The following JMJD1C variants were observed in gnomAD, a reference collection of about 807,000 sequenced individuals.
JMJD1C encodes jumonji domain containing 1C, also known as jumonji domain-containing protein 1C.
A neutral mutation model predicts 245.3 loss-of-function variants in JMJD1C; 31 were observed. That is an observed-to-expected ratio of 0.13 (90% CI 0.09 to 0.17). The LOEUF (loss-of-function observed/expected upper bound fraction) is 0.17, where lower values mean the gene tolerates loss of function less well. Ranked by LOEUF, JMJD1C falls within the 10% of genes least tolerant of loss-of-function variation. The pLI is 1.00. For synonymous variants in JMJD1C, 1,057 were observed against 1,017.4 expected (o/e 1.04, Z -0.74); for missense variants, 2,691 against 3,000.2 (o/e 0.90, Z 2.41).
intron 24 of JMJD1C, among the ~76,000 whole-genome samples, chr10:63,173,217 C>T (rs962693026): frequency 9.2e-5 from 14 of 152,068 alleles, no homozygotes; most frequent in African/African-American, 3.1e-4. Context: ...CAGCCAAATG[C>T]CCATATGCAA....
intron 1 of JMJD1C, among the ~76,000 whole-genome samples, chr10:63,440,353 A>AAAATAT (rs1554937972): frequency 1.2e-4 from 15 of 120,248 alleles, no homozygotes; most frequent in South Asian, 2.8e-4. Context: ...AAAAAAAAAA[A>AAAATAT]ATATATATAT....
chr10:63,459,533 G>A (rs148969439), intron 1 of JMJD1C, among the ~76,000 whole-genome samples: 2,170 of 152,244 alleles, frequency 0.014, 33 homozygotes, highest in Non-Finnish European at 0.02. Flanking sequence ...TAGAAAGTTA[G>A]ATATTTATAC....
chr10:63,195,132 T>C (rs1845296660), intron 13 of JMJD1C, among the ~76,000 whole-genome samples: 1 of 152,054 alleles, frequency 6.6e-6, no homozygotes, highest in South Asian at 2.1e-4. Context: ...AGGCAGCGGA[T>C]CACTTGAGGT....
intron 1 of JMJD1C, among the ~76,000 whole-genome samples, chr10:63,463,395 T>G (rs923383930): frequency 3.3e-5 from 5 of 152,184 alleles, no homozygotes; most frequent in South Asian, 4.1e-4. Flanking sequence ...TCAAAACTCC[T>G]GCGCTCAAGT....
At chr10:63,425,240 A>C (rs1950371516) in intron 1 of JMJD1C, among the ~76,000 whole-genome samples, 1 of 152,204 alleles carries the variant, frequency 6.6e-6, no homozygotes, top group Non-Finnish European at 1.5e-5. Flanking sequence ...AGCTATTAAT[A>C]CTATATCCTT....
intron 13 of JMJD1C, among the ~76,000 whole-genome samples, chr10:63,195,907 C>A (rs1845403820): frequency 6.6e-6 from 1 of 151,868 alleles, no homozygotes; most frequent in Non-Finnish European, 1.5e-5. Flanking sequence ...CCAGCCTGGG[C>A]AACAGAGTGA....
chr10:63,508,228 G>A (rs1220450129), intron 1 of JMJD1C, among the ~76,000 whole-genome samples: 1 of 152,082 alleles, frequency 6.6e-6, no homozygotes, highest in Non-Finnish European at 1.5e-5. Context: ...ATTATTTTTT[G>A]AAAATATTAT....
At chr10:63,453,595 A>T (rs1399053454) in intron 1 of JMJD1C, among the ~76,000 whole-genome samples, 1 of 152,234 alleles carries the variant, frequency 6.6e-6, no homozygotes, top group Non-Finnish European at 1.5e-5. Context: ...TTAAGCTGAA[A>T]CAAAGGCCTG....
chr10:63,360,744 T>C (rs879591308), intron 2 of JMJD1C, among the ~76,000 whole-genome samples: 26 of 152,176 alleles, frequency 1.7e-4, no homozygotes, highest in Admixed American at 1.6e-3. Context: ...CCACAAAAGT[T>C]ACATGTTTCA....
chr10:63,178,128 G>T (rs890213911), intron 22 of JMJD1C, among the ~76,000 whole-genome samples: 1 of 152,050 alleles, frequency 6.6e-6, no homozygotes, highest in Admixed American at 6.6e-5. Flanking sequence ...TTTAGTAGCC[G>T]TGGGGTTTCA....
intron 1 of JMJD1C, among the ~76,000 whole-genome samples, chr10:63,480,983 T>C (rs1320891277): frequency 1.3e-5 from 2 of 152,216 alleles, no homozygotes; most frequent in African/African-American, 2.4e-5. Context: ...AACCACATTA[T>C]AGACTCATCA....
intron 16 of JMJD1C, among the ~76,000 whole-genome samples, chr10:63,191,615 A>G (rs183461411): frequency 7.9e-5 from 12 of 152,264 alleles, no homozygotes; most frequent in Admixed American, 5.2e-4. Context: ...CTAAATATAA[A>G]AAGGCCTTCC....
chr10:63,465,744 G>A lies in JMJD1C; in HGVS notation c.-82C>T. On this transcript the variant is annotated 5_prime_UTR_variant, in exon 1 of 26. Transcript: ENST00000399262. ...CTCACTCCTACCGGCCGCTCATGCT[G>A]AGGAGAGCGGACCGGGACACAGCAG... 8 of 1,496,758 alleles carry A rather than the reference G, an allele frequency of 5.3e-6. No individual in the cohort carries two copies. The highest frequency in any genetic ancestry group is 7.3e-6 in the Non-Finnish European group (8 of 1,093,534). 92.7% of individuals were successfully genotyped at this position (1,496,758 alleles called of 1,614,324 possible). A position where few individuals can be genotyped will look rare whatever the true frequency, so the allele number is the denominator to read the frequency against.
chr10:63,353,860 G>C (rs1944576668), intron 2 of JMJD1C, among the ~76,000 whole-genome samples: 1 of 149,190 alleles, frequency 6.7e-6, no homozygotes, highest in Admixed American at 6.7e-5. Context: ...GTTTGTTTTT[G>C]AGATGGAGTC....
At chr10:63,281,660 T>C (rs1857420898) in intron 2 of JMJD1C, among the ~76,000 whole-genome samples, 1 of 151,460 alleles carries the variant, frequency 6.6e-6, no homozygotes, top group Middle Eastern at 3.4e-3. Flanking sequence ...TTAGTAGACA[T>C]GGAGTTTCAC....
chr10:63,281,138 T>TA (rs1857337052), intron 2 of JMJD1C, among the ~76,000 whole-genome samples: 2 of 149,288 alleles, frequency 1.3e-5, no homozygotes, highest in South Asian at 2.1e-4. Context: ...GGCCTTTTTT[T>TA]TTTTTTTTTT....
chr10:63,247,483 G>C (rs1046334514), intron 3 of JMJD1C, among the ~76,000 whole-genome samples: 2 of 152,080 alleles, frequency 1.3e-5, no homozygotes, highest in African/African-American at 4.8e-5. Context: ...GCTCAAACCT[G>C]TAATCCCAAC....
chr10:63,512,381 G>A (rs574014786), intron 1 of JMJD1C, among the ~76,000 whole-genome samples: 5 of 151,336 alleles, frequency 3.3e-5, no homozygotes, highest in South Asian at 4.2e-4. Flanking sequence ...CTTACAAATC[G>A]GATTTGCAAC....
chr10:63,354,061 G>A (rs1348012232), intron 2 of JMJD1C, among the ~76,000 whole-genome samples: 1 of 151,952 alleles, frequency 6.6e-6, no homozygotes, highest in Non-Finnish European at 1.5e-5. Context: ...GGATGGTCTT[G>A]ATCTGTTGAC....
Sources: gnomAD v4.1 joint callset for allele counts (sites outside exome capture counted in the v4.1 genomes callset) on GRCh38, gnomAD v4.1.1 for gene constraint, MANE v1.5 for transcripts, NCBI Gene and HGNC (gene_info 2026-07-23, HGNC 2026-07-21) for gene names.